DLG2: variants seen among roughly 807,000 people sequenced by gnomAD.
DLG2 encodes the protein discs large MAGUK scaffold protein 2, also known as disks large homolog 2.
DLG2 carries 45 observed loss-of-function variants against 132.5 expected under a neutral mutation model. The observed-to-expected ratio is 0.34, with a 90% CI of 0.27 to 0.44. The LOEUF is 0.44. Ranked by LOEUF, DLG2 falls within the 20% of genes least tolerant of loss-of-function variation. The pLI is 1.00. For synonymous variants in DLG2, 424 were observed against 419.6 expected, an observed-to-expected ratio of 1.01 and a Z score of -0.13; for missense variants, 1,045 against 1,196.9, an observed-to-expected ratio of 0.87 and a Z score of 1.87.
chr11:84,181,389 A>C (rs2096123377), intron 8 of DLG2, among the ~76,000 whole-genome samples: 1 of 152,016 alleles, frequency 6.6e-6, no homozygotes, highest in African/African-American at 2.4e-5. Flanking sequence ...ATAATATAAA[A>C]TGCCATTTAA....
intron 19 of DLG2, among the ~76,000 whole-genome samples, chr11:83,626,937 C>T (rs1020846173): frequency 6.6e-6 from 1 of 152,066 alleles, no homozygotes; most frequent in African/African-American, 2.4e-5. Flanking sequence ...GAGCAAAAAT[C>T]TAAAAGTCAT....
chr11:85,044,773 C>T (rs1056578815), intron 6 of DLG2, among the ~76,000 whole-genome samples: 27 of 152,036 alleles, frequency 1.8e-4, no homozygotes. Flanking sequence ...AACAAACACT[C>T]ATATTCCAAA....
intron 6 of DLG2, among the ~76,000 whole-genome samples, chr11:84,624,428 T>A (rs1386970121): frequency 6.6e-6 from 1 of 152,178 alleles, no homozygotes; most frequent in East Asian, 1.9e-4. Context: ...GTAAACATCT[T>A]ACAATTGATT....
intron 3 of DLG2, among the ~76,000 whole-genome samples, chr11:85,518,090 C>A (rs903415441): frequency 6.6e-6 from 1 of 152,132 alleles, no homozygotes; most frequent in Non-Finnish European, 1.5e-5. Context: ...TCAGGTATGT[C>A]TTTATCAGCA....
chr11:83,662,773 A>G (rs2074627943), intron 18 of DLG2, among the ~76,000 whole-genome samples: 1 of 152,198 alleles, frequency 6.6e-6, no homozygotes, highest in Non-Finnish European at 1.5e-5. Context: ...ACCTTTTGTC[A>G]GTAGAATTGC....
chr11:85,005,438 T>A (rs2058567839), intron 6 of DLG2, among the ~76,000 whole-genome samples: 2 of 152,216 alleles, frequency 1.3e-5, no homozygotes, highest in African/African-American at 2.4e-5. Context: ...GAAGAGCTCC[T>A]TCACATCCCT....
At chr11:83,756,864 A>ATTTAACTCCTGT in intron 18 of DLG2, among the ~76,000 whole-genome samples, 1 of 146,350 alleles carries the variant, frequency 6.8e-6, no homozygotes, top group African/African-American at 2.8e-5. Flanking sequence ...CATTATAGTT[A>ATTTAACTCCTGT]GCCTTTCAGC....
intron 17 of DLG2, among the ~76,000 whole-genome samples, chr11:83,826,952 C>T (rs1012361556): frequency 6.6e-6 from 1 of 152,078 alleles, no homozygotes; most frequent in Non-Finnish European, 1.5e-5. Flanking sequence ...GGCCCCAGAT[C>T]CTCTTTAGTA....
At chr11:84,813,425 C>A (rs17808422) in intron 6 of DLG2, among the ~76,000 whole-genome samples, 11,591 of 152,118 alleles carry the variant, frequency 0.076, 559 homozygotes, top group Non-Finnish European at 0.11. Flanking sequence ...CCCTCCCAAC[C>A]ACAAAGATAC....
chr11:84,249,608 A>C (rs942222232), intron 8 of DLG2, among the ~76,000 whole-genome samples: 3 of 152,206 alleles, frequency 2.0e-5, no homozygotes, highest in African/African-American at 7.2e-5. Context: ...AATGAGTTAA[A>C]ATTTGTTAAG....
At chr11:85,526,813 G>T (rs757301401) in intron 3 of DLG2, among the ~76,000 whole-genome samples, 25 of 151,944 alleles carry the variant, frequency 1.6e-4, no homozygotes, top group African/African-American at 6.0e-4. Flanking sequence ...CTTTGTACTT[G>T]TTTTTTTCTG....
At chr11:84,347,362 C>A (rs1444031345) in intron 7 of DLG2, among the ~76,000 whole-genome samples, 1 of 152,156 alleles carries the variant, frequency 6.6e-6, no homozygotes, top group East Asian at 1.9e-4. Context: ...CTGACCAGTT[C>A]TACTTATAAT....
intron 5 of DLG2, among the ~76,000 whole-genome samples, chr11:85,117,419 C>A (rs963640689): frequency 6.6e-6 from 1 of 151,930 alleles, no homozygotes; most frequent in Non-Finnish European, 1.5e-5. Context: ...AAAACTATTT[C>A]TATACATAAT....
intron 4 of DLG2, among the ~76,000 whole-genome samples, chr11:85,220,104 T>C (rs2074534236): frequency 6.6e-6 from 1 of 152,036 alleles, no homozygotes; most frequent in Admixed American, 6.6e-5. Context: ...CATACAAAAA[T>C]CTCTGCCCTT....
chr11:84,988,698 A>G (rs545937337), intron 6 of DLG2, among the ~76,000 whole-genome samples: 153 of 152,276 alleles, frequency 1.0e-3, no homozygotes, highest in Non-Finnish European at 1.0e-3. Context: ...GAATGACACA[A>G]TGAACTTTGA....
At chr11:83,981,041 G>C (rs961796893) in intron 11 of DLG2, among the ~76,000 whole-genome samples, 2 of 152,158 alleles carry the variant, frequency 1.3e-5, no homozygotes, top group African/African-American at 4.8e-5. Context: ...TTTCATTGCT[G>C]TTGTTACTCT....
At chr11:84,548,881 G>A (rs1456780911) in intron 6 of DLG2, among the ~76,000 whole-genome samples, 2 of 152,168 alleles carry the variant, frequency 1.3e-5, no homozygotes, top group African/African-American at 4.8e-5. Context: ...AGGTCTGGAA[G>A]AATATACTAA....
At chr11:83,945,107 T>A (rs759274005) in intron 14 of DLG2, among the ~76,000 whole-genome samples, 1 of 152,164 alleles carries the variant, frequency 6.6e-6, no homozygotes, top group Non-Finnish European at 1.5e-5. Flanking sequence ...ACGGTGGATA[T>A]TACATATAGC....
chr11:85,273,011 C>A (rs577023977), intron 4 of DLG2, among the ~76,000 whole-genome samples: 68 of 152,242 alleles, frequency 4.5e-4, no homozygotes, highest in African/African-American at 1.4e-3. Context: ...GGAAAGGATT[C>A]CCTATTTAAT....
Sources: allele counts gnomAD v4.1 joint callset (sites outside exome capture counted in the v4.1 genomes callset), GRCh38; gene constraint gnomAD v4.1.1; transcripts MANE v1.5; gene names NCBI Gene and HGNC (gene_info 2026-07-23, HGNC 2026-07-21).